The following NAPB variants were observed in gnomAD, a reference collection of about 807,000 sequenced individuals.
The protein encoded by NAPB is NSF attachment protein beta, also known as beta-soluble NSF attachment protein.
A neutral mutation model predicts 44.7 loss-of-function variants in NAPB; 26 were observed. The observed-to-expected ratio is 0.58, with a 90% CI of 0.43 to 0.81. The LOEUF is 0.81. Ranked by LOEUF, NAPB falls within the 30% of genes least tolerant of loss-of-function variation. The pLI is 0.00. For missense variants in NAPB, 315 were observed against 356.4 expected (o/e 0.88, Z 0.94); for synonymous variants, 120 against 116.8 (o/e 1.03, Z -0.18).
At chr20:23,382,264 C>T (rs1369080124) in intron 7 of NAPB, among the ~76,000 whole-genome samples, 2 of 152,210 alleles carry the variant, frequency 1.3e-5, no homozygotes, top group Non-Finnish European at 2.9e-5. Context: ...ACACTTCTAC[C>T]TCCACCTGGC....
chr20:23,381,879 T>A (rs1983030207), intron 7 of NAPB, among the ~76,000 whole-genome samples: 1 of 152,142 alleles, frequency 6.6e-6, no homozygotes, highest in African/African-American at 2.4e-5. Flanking sequence ...TCCATTTACA[T>A]CATCAAAGGC....
chr20:23,420,158 T>A (rs1018291545), intron 1 of NAPB, among the ~76,000 whole-genome samples: 4 of 152,168 alleles, frequency 2.6e-5, no homozygotes, highest in Non-Finnish European at 4.4e-5. Flanking sequence ...ATCATTCACA[T>A]ATTCAACAGC....
At chr20:23,394,840 A>T (rs1420699333) in intron 5 of NAPB, 82 bp downstream of exon 5, 1 of 1,381,994 alleles carries the variant, frequency 7.2e-7, no homozygotes, top group African/African-American at 1.4e-5. Context: ...ACCTACGATC[A>T]CTCTCAGACT....
At chr20:23,385,711 T>TGAAAGAAGA (rs3040368) in intron 7 of NAPB, among the ~76,000 whole-genome samples, 8 of 148,144 alleles carry the variant, frequency 5.4e-5, no homozygotes, top group South Asian at 2.2e-4. Context: ...AGACTCTGTC[T>TGAAAGAAGA]GAAAGAAGAG....
At chr20:23,405,798 T>C (rs1985210726) in intron 1 of NAPB, among the ~76,000 whole-genome samples, 3 of 152,194 alleles carry the variant, frequency 2.0e-5, no homozygotes, top group African/African-American at 4.8e-5. Flanking sequence ...ATATGTGGTA[T>C]ACACATACAA....
Position 23,403,034 on chromosome 20 carries a change from G to A in NAPB, c.137C>T (p.Thr46Ile), listed in dbSNP as rs1984963946. 1.2e-6 allele frequency: 2 copies of A among 1,613,536 alleles called. No homozygotes were observed. Among genetic ancestry groups the A allele is most frequent in the African/African-American group, 1.3e-5 (1 of 74,860 alleles). Residue 46 changes from threonine to isoleucine, a missense_variant, in exon 2 of 11, where the codon ACC becomes ATC. Thr to Ile is a moderately conservative substitution (Grantham distance 89). Transcript: ENST00000377026. Reference sequence around the variant, plus strand: ...CATCTTGAACATATTTGCAGCTCTGGTATACATTTCACAAGCCTCTTCTAT... The same window carrying A: ...CATCTTGAACATATTTGCAGCTCTGATATACATTTCACAAGCCTCTTCTAT... The part of the protein sequence containing the change: ...TRIEEACEMY[T>I]RAANMFKMAK...
At chr20:23,401,192 T>C (rs907646911) in intron 2 of NAPB, among the ~76,000 whole-genome samples, 2 of 151,372 alleles carry the variant, frequency 1.3e-5, no homozygotes, top group Admixed American at 1.3e-4. Context: ...AGGAAGGGGA[T>C]AGTCTTTGAG....
chr20:23,389,998 G>GCTGC lies in NAPB; in HGVS notation c.505_508dup (p.Ala170GlyfsTer8). ...GTACTGCTCAAGCTGGGCAGCATATGCTGCCACCTTCAGCAGACACTTGTT... is the reference window on the plus strand; with the variant it reads ...GTACTGCTCAAGCTGGGCAGCATATGCTGCCTGCCACCTTCAGCAGACACTTGTT... On this transcript the variant is annotated frameshift_variant, in exon 7 of 11. Transcript: ENST00000377026. LOFTEE classifies it high-confidence loss of function. The GCTGC allele has an allele frequency of 6.2e-7, 1 of 1,614,184 alleles. No individual in the cohort carries two copies. The highest frequency in any genetic ancestry group is 8.5e-7 in the Non-Finnish European group (1 of 1,180,016).
chr20:23,388,811 C>T (rs1163320809), intron 7 of NAPB, among the ~76,000 whole-genome samples: 2 of 131,672 alleles, frequency 1.5e-5, no homozygotes, highest in East Asian at 5.3e-4. Flanking sequence ...ATTCCTATAA[C>T]AAAACAGAAA....
chr20:23,388,341 T>C (rs1031583959), intron 7 of NAPB, among the ~76,000 whole-genome samples: 4 of 152,124 alleles, frequency 2.6e-5, no homozygotes, highest in African/African-American at 7.2e-5. Flanking sequence ...CCACTCCAAA[T>C]TGGTATGCAC....
At chr20:23,417,584 A>G (rs1271860351) in intron 1 of NAPB, among the ~76,000 whole-genome samples, 5 of 152,246 alleles carry the variant, frequency 3.3e-5, no homozygotes, top group Non-Finnish European at 7.3e-5. Context: ...ATTAACTACA[A>G]AATTCCATAG....
chr20:23,419,860 G>C (rs572759663), intron 1 of NAPB, among the ~76,000 whole-genome samples: 2 of 152,282 alleles, frequency 1.3e-5, no homozygotes, highest in South Asian at 2.1e-4. Flanking sequence ...GCAGTTATGC[G>C]TACTGCATGC....
intron 3 of NAPB, 111 bp downstream of exon 3, chr20:23,396,961 T>C (rs1193056963): frequency 2.6e-6 from 3 of 1,147,550 alleles, no homozygotes; most frequent in Non-Finnish European, 3.5e-6. Flanking sequence ...AATACAAAAA[T>C]TCCTTTTTAC....
chr20:23,412,889 G>C (rs916131240), intron 1 of NAPB, among the ~76,000 whole-genome samples: 5 of 152,102 alleles, frequency 3.3e-5, no homozygotes, highest in African/African-American at 1.2e-4. Flanking sequence ...CTAGCTACTG[G>C]GGAGGCTGAG....
At chr20:23,400,967 AT>A (rs1303155324) in intron 2 of NAPB, among the ~76,000 whole-genome samples, 1 of 152,158 alleles carries the variant, frequency 6.6e-6, no homozygotes, top group African/African-American at 2.4e-5. Flanking sequence ...CTAGATGGTG[AT>A]AACAGTGTTG....
intron 7 of NAPB, among the ~76,000 whole-genome samples, chr20:23,386,383 A>G (rs1417004474): frequency 6.6e-6 from 1 of 152,272 alleles, no homozygotes; most frequent in East Asian, 1.9e-4. Flanking sequence ...AGGAATTCAC[A>G]CCAATCCTTT....
intron 1 of NAPB, among the ~76,000 whole-genome samples, chr20:23,407,314 G>A (rs1044604716): frequency 6.6e-6 from 1 of 152,198 alleles, no homozygotes; most frequent in Non-Finnish European, 1.5e-5. Context: ...AGTAACAACT[G>A]TTATCCAGAG....
intron 1 of NAPB, among the ~76,000 whole-genome samples, chr20:23,417,721 G>C (rs1023779277): frequency 6.6e-6 from 1 of 151,914 alleles, no homozygotes; most frequent in Non-Finnish European, 1.5e-5. Context: ...ACTGCTTAAC[G>C]GGCAATTAAG....
intron 2 of NAPB, among the ~76,000 whole-genome samples, chr20:23,402,334 C>A (rs1984913049): frequency 6.6e-6 from 1 of 152,188 alleles, no homozygotes; most frequent in South Asian, 2.1e-4. Context: ...TGAAAGATCT[C>A]TTTCGCTGAA....
Sources: gnomAD v4.1 joint callset for allele counts (sites outside exome capture counted in the v4.1 genomes callset) on GRCh38, gnomAD v4.1.1 for gene constraint, MANE v1.5 for transcripts, NCBI Gene and HGNC (gene_info 2026-07-23, HGNC 2026-07-21) for gene names.